The following TAFA4 variants were observed in gnomAD, a reference collection of about 807,000 sequenced individuals.
The protein encoded by TAFA4 is chemokine-like protein TAFA-4.
A neutral mutation model predicts 21.1 loss-of-function variants in TAFA4; 20 were observed. The ratio of observed to expected loss-of-function variants is 0.95; its 90% CI spans 0.67 to 1.38. The LOEUF is 1.38. Among genes scored for constraint, TAFA4 ranks in the 40% most tolerant of loss-of-function variants. The pLI is 0.00. For missense variants in TAFA4, 211 were observed against 180.9 expected (o/e 1.17, Z -0.95); for synonymous variants, 71 against 67.4 (o/e 1.05, Z -0.26).
chr3:68,842,329 G>C (rs1704683862), intron 3 of TAFA4, among the ~76,000 whole-genome samples: 1 of 152,250 alleles, frequency 6.6e-6, no homozygotes, highest in Middle Eastern at 3.4e-3. Flanking sequence ...ATGTTTGCTG[G>C]CCACATCAAT....
chr3:68,829,488 C>T (rs557914921), intron 3 of TAFA4, among the ~76,000 whole-genome samples: 4 of 152,286 alleles, frequency 2.6e-5, no homozygotes, highest in South Asian at 2.1e-4. Context: ...TGATGGATTA[C>T]GTTTATTGAT....
At chr3:68,915,833 C>T (rs1309575957) in intron 1 of TAFA4, among the ~76,000 whole-genome samples, 1 of 152,170 alleles carries the variant, frequency 6.6e-6, no homozygotes, top group Non-Finnish European at 1.5e-5. Context: ...CAGCCCACCA[C>T]TTTGTGCAAA....
Position 68,809,402 on chromosome 3 carries a change from C to T in TAFA4, c.131-56384G>A, listed in dbSNP as rs371759098. Reference sequence around the variant, plus strand: ...CACTATAACAGTATGGGAATAGTTACTTGTCTAGAAATATAATTGGTTGCC... The same window carrying T: ...CACTATAACAGTATGGGAATAGTTATTTGTCTAGAAATATAATTGGTTGCC... On this transcript the variant is annotated intron_variant, in intron 3 of 5. Transcript: ENST00000295569. Among the ~76,000 whole-genome samples, 12 of 151,972 alleles carry T rather than the reference C, an allele frequency of 7.9e-5. 1 individual carries two copies. In the East Asian group the frequency reaches 1.2e-3, roughly 15 times the overall value.
chr3:68,931,554 G>A (rs1426728178), intron 1 of TAFA4, among the ~76,000 whole-genome samples: 1 of 152,164 alleles, frequency 6.6e-6, no homozygotes, highest in Non-Finnish European at 1.5e-5. Context: ...TTCTAGGAGC[G>A]GATTAACAGG....
intron 1 of TAFA4, among the ~76,000 whole-genome samples, chr3:68,914,977 C>A (rs1263247982): frequency 2.6e-5 from 4 of 152,182 alleles, no homozygotes; most frequent in Non-Finnish European, 5.9e-5. Context: ...CCATCGCAGG[C>A]TTTTTCCCAC....
intron 1 of TAFA4, among the ~76,000 whole-genome samples, chr3:68,891,467 A>T (rs942542089): frequency 1.3e-5 from 2 of 152,144 alleles, no homozygotes; most frequent in East Asian, 3.9e-4. Flanking sequence ...CCATCAGTTC[A>T]TCTCTGACCT....
chr3:68,900,235 C>G (rs1231124485), intron 1 of TAFA4, among the ~76,000 whole-genome samples: 1 of 140,768 alleles, frequency 7.1e-6, no homozygotes, highest in South Asian at 2.3e-4. Flanking sequence ...GAGCGAGACT[C>G]TCTCTTAATA....
At chr3:68,791,666 C>T (rs1703363499) in intron 3 of TAFA4, among the ~76,000 whole-genome samples, 1 of 152,100 alleles carries the variant, frequency 6.6e-6, no homozygotes, top group African/African-American at 2.4e-5. Flanking sequence ...TCAGGAAGCC[C>T]AAGAAATAAA....
chr3:68,768,965 C>A (rs1447629635), intron 3 of TAFA4, among the ~76,000 whole-genome samples: 1 of 152,128 alleles, frequency 6.6e-6, no homozygotes, highest in African/African-American at 2.4e-5. Flanking sequence ...GGAAGAGATT[C>A]GTCAATGGCT....
At chr3:68,922,962 C>G (rs1376429459) in intron 1 of TAFA4, among the ~76,000 whole-genome samples, 53 of 152,088 alleles carry the variant, frequency 3.5e-4, no homozygotes, top group Admixed American at 3.5e-3. Context: ...GTCTGCTCCC[C>G]CAACTCACCC....
chr3:68,822,909 A>AG (rs1174246660), intron 3 of TAFA4, among the ~76,000 whole-genome samples: 5 of 152,220 alleles, frequency 3.3e-5, no homozygotes, highest in Non-Finnish European at 7.3e-5. Flanking sequence ...TCTGCTTTAC[A>AG]AATAACATTC....
intron 1 of TAFA4, among the ~76,000 whole-genome samples, chr3:68,915,854 A>C (rs2089999499): frequency 1.3e-5 from 2 of 152,202 alleles, no homozygotes; most frequent in Non-Finnish European, 2.9e-5. Flanking sequence ...ATGGGCACTT[A>C]AGATACATAT....
intron 1 of TAFA4, among the ~76,000 whole-genome samples, chr3:68,908,166 G>A (rs1387734): frequency 6.6e-6 from 1 of 152,218 alleles, no homozygotes; most frequent in African/African-American, 2.4e-5. Context: ...ACTAAATAAC[G>A]CTCTAAAAGT....
chr3:68,761,084 G>T (rs1702748084), intron 3 of TAFA4, among the ~76,000 whole-genome samples: 1 of 152,180 alleles, frequency 6.6e-6, no homozygotes, highest in African/African-American at 2.4e-5. Context: ...AGAGTCAAAA[G>T]AACTGAGCTG....
At chr3:68,925,077 C>T (rs1575676424) in intron 1 of TAFA4, among the ~76,000 whole-genome samples, 1 of 152,184 alleles carries the variant, frequency 6.6e-6, no homozygotes, top group Admixed American at 6.5e-5. Flanking sequence ...TGCTTCTAAG[C>T]AGACCTAGAC....
At chr3:68,904,826 C>T (rs1345776436) in intron 1 of TAFA4, among the ~76,000 whole-genome samples, 1 of 152,156 alleles carries the variant, frequency 6.6e-6, no homozygotes, top group African/African-American at 2.4e-5. Context: ...AACTCATGGG[C>T]TACTTTTGCT....
At chr3:68,751,869 C>T (rs1226519770) in intron 4 of TAFA4, among the ~76,000 whole-genome samples, 1 of 152,176 alleles carries the variant, frequency 6.6e-6, no homozygotes, top group Non-Finnish European at 1.5e-5. Flanking sequence ...AGTCTGAATT[C>T]AGCAACACAT....
At chr3:68,897,392 C>A (rs2089802312) in intron 1 of TAFA4, among the ~76,000 whole-genome samples, 1 of 144,176 alleles carries the variant, frequency 6.9e-6, no homozygotes, top group African/African-American at 2.5e-5. Context: ...TTTGGGAGGC[C>A]AAGGGGGGCA....
chr3:68,770,806 G>A (rs1007027577), intron 3 of TAFA4, among the ~76,000 whole-genome samples: 9 of 152,198 alleles, frequency 5.9e-5, no homozygotes, highest in African/African-American at 1.7e-4. Flanking sequence ...GGGTCCCGGC[G>A]AGGGCTCCAC....
Sources: gnomAD v4.1 joint callset for allele counts (sites outside exome capture counted in the v4.1 genomes callset) on GRCh38, gnomAD v4.1.1 for gene constraint, MANE v1.5 for transcripts, NCBI Gene and HGNC (gene_info 2026-07-23, HGNC 2026-07-21) for gene names.